Variants in TRPM3 observed in about 807,000 individuals in gnomAD.
TRPM3 encodes the protein long transient receptor potential channel 3.
TRPM3 carries 77 observed loss-of-function variants against 181.2 expected under a neutral mutation model. The observed-to-expected ratio is 0.42, with a 90% CI of 0.35 to 0.51. The LOEUF (loss-of-function observed/expected upper bound fraction) is 0.51. Ranked by LOEUF, TRPM3 falls within the 20% of genes least tolerant of loss-of-function variation. The pLI is 0.01. For synonymous variants in TRPM3, 745 were observed against 796.4 expected, an observed-to-expected ratio of 0.94 and a Z score of 1.09; for missense variants, 1,759 against 2,196.7, an observed-to-expected ratio of 0.80 and a Z score of 3.98.
Position 70,543,365 on chromosome 9 carries a change from A to G in TRPM3, c.3708-5960T>C, listed in dbSNP as rs1400333952. ...TACAAACAATCCATTTACATTCTTT[A>G]TTTAAAAATATACAATGAAGTTATT... On this transcript the variant is annotated intron_variant, in intron 25 of 25. Transcript: ENST00000677713. Among the ~76,000 whole-genome samples the G allele has an allele frequency of 4.6e-5, 7 of 152,280 alleles. No individual in the cohort carries two copies. The East Asian group carries it at 1.3e-3, about 29-fold the overall frequency.
rs1255934859 is a variant in TRPM3 at position 71,269,556 on chromosome 9, T to C, written c.183+177097A>G. Among the ~76,000 whole-genome samples the C allele has an allele frequency of 2.0e-5, 3 of 152,206 alleles. No individual in the cohort carries two copies. The East Asian group carries it at 5.8e-4, about 29-fold the overall frequency. ...AAGAGCAAGACTCATCACTGGCCAG[T>C]GAGCTGGGAGAGTGGGCTCTTCTTT... On this transcript the variant is annotated intron_variant, in intron 1 of 24. Coordinates refer to the TRPM3 transcript ENST00000357533.
chr9:71,070,655 T>C lies in TRPM3; in HGVS notation c.177+50523A>G, dbSNP rs530856093. 1.4e-4 allele frequency among the ~76,000 whole-genome samples: 22 copies of C among 152,338 alleles called. No individual in the cohort carries two copies. The South Asian group carries it at 1.4e-3, about 10-fold the overall frequency. On this transcript the variant is annotated intron_variant, in intron 1 of 25. Coordinates refer to ENST00000677713, the MANE Select transcript of TRPM3 (RefSeq NM_001366145.2). ...AAAACGTATTCACTTTTTTTAAAAA[T>C]GATGAGGTTTGGAGAGGATGACAGG...
intron 1 of TRPM3, among the ~76,000 whole-genome samples, chr9:71,436,290 T>C (rs1175052458): frequency 2.0e-5 from 2 of 99,094 alleles, no homozygotes; most frequent in African/African-American, 3.1e-5. Context: ...TCTCTTTTTT[T>C]TTTCTTTCTT....
chr9:70,770,231 A>C (rs1468235571), intron 7 of TRPM3, among the ~76,000 whole-genome samples: 1 of 152,146 alleles, frequency 6.6e-6, no homozygotes, highest in Admixed American at 6.6e-5. Flanking sequence ...CCCAACTCAA[A>C]AACATATATT....
At chr9:70,559,024 A>G (rs1010609404) in intron 22 of TRPM3, among the ~76,000 whole-genome samples, 18 of 152,196 alleles carry the variant, frequency 1.2e-4, no homozygotes, top group Non-Finnish European at 2.1e-4. Flanking sequence ...AGCCCTCCCT[A>G]TAGATGTTGT....
chr9:71,401,427 T>C (rs1347235872), intron 1 of TRPM3, among the ~76,000 whole-genome samples: 1 of 152,082 alleles, frequency 6.6e-6, no homozygotes, highest in Non-Finnish European at 1.5e-5. Flanking sequence ...ATGAAGAACA[T>C]GGTTTTGGCA....
chr9:71,418,919 T>C (rs1177940188), intron 1 of TRPM3, among the ~76,000 whole-genome samples: 1 of 42,026 alleles, frequency 2.4e-5, no homozygotes, highest in African/African-American at 4.3e-5. Context: ...TATATATATG[T>C]GTGTGTGTGT....
chr9:70,843,614 C>T (rs2094815874), intron 4 of TRPM3, among the ~76,000 whole-genome samples: 4 of 152,100 alleles, frequency 2.6e-5, no homozygotes. Flanking sequence ...TGAGAACCTA[C>T]TCGTAAAGAC....
chr9:70,624,405 C>T (rs2064152067), intron 14 of TRPM3, among the ~76,000 whole-genome samples: 1 of 152,174 alleles, frequency 6.6e-6, no homozygotes, highest in African/African-American at 2.4e-5. Context: ...AAGCGAGTCT[C>T]CTGCCTCAGC....
chr9:71,329,336 C>G (rs1202982030), intron 1 of TRPM3, among the ~76,000 whole-genome samples: 1 of 152,140 alleles, frequency 6.6e-6, no homozygotes, highest in African/African-American at 2.4e-5. Context: ...TAAAATGATT[C>G]CAAGCATATA....
intron 1 of TRPM3, among the ~76,000 whole-genome samples, chr9:70,948,818 C>T (rs1054867170): frequency 9.9e-5 from 15 of 152,148 alleles, no homozygotes; most frequent in Non-Finnish European, 1.6e-4. Flanking sequence ...TATGGATTTG[C>T]TTGAACTACT....
At position 70,929,327 on chromosome 9, in the gene TRPM3, G is replaced by A. The variant is rs375167311; in HGVS notation, c.178-64816C>T. 3.2e-3 allele frequency among the ~76,000 whole-genome samples: 480 copies of A among 151,858 alleles called. 5 individuals carry two copies. Among genetic ancestry groups the A allele is most frequent in the African/African-American group, 0.011 (444 of 41,434 alleles). On this transcript the variant is annotated intron_variant, in intron 1 of 25. Coordinates refer to ENST00000677713, the MANE Select transcript of TRPM3 (RefSeq NM_001366145.2). ...AGCAATTGTTCTGCCTCAGCCTCTC[G>A]AGTAGCTGGGATCACAGGTGCCCGC...
chr9:70,856,088 T>C (rs1218081093), intron 3 of TRPM3, among the ~76,000 whole-genome samples: 2 of 152,196 alleles, frequency 1.3e-5, no homozygotes, highest in African/African-American at 2.4e-5. Context: ...CCAGTAAGCA[T>C]ATAAACTAGT....
In TRPM3 at chr9:70,553,554, G is replaced by C. The variant is rs762782220; in HGVS notation, c.3224-244C>G. 5.9e-5 allele frequency among the ~76,000 whole-genome samples: 9 copies of C among 152,278 alleles called. No homozygotes were observed. In the East Asian group the frequency reaches 1.4e-3, roughly 23 times the overall value. On this transcript the variant is annotated intron_variant, in intron 22 of 25. Transcript: ENST00000677713. ...CCAAGTTATCACCTGACCAGAAGAG[G>C]GGGGTGGAGCCACCTTCTTGCTCAC... is the stretch of plus-strand genomic sequence containing the variant.
At chr9:70,693,778 A>C (rs1490887082) in intron 8 of TRPM3, among the ~76,000 whole-genome samples, 1 of 152,314 alleles carries the variant, frequency 6.6e-6, no homozygotes, top group East Asian at 1.9e-4. Flanking sequence ...AGGTCATACC[A>C]CTTGTTACTG....
intron 9 of TRPM3, among the ~76,000 whole-genome samples, chr9:70,653,800 G>A (rs938728447): frequency 6.6e-6 from 1 of 151,554 alleles, no homozygotes; most frequent in Admixed American, 6.6e-5. Flanking sequence ...GGCTTCTAAC[G>A]ACTTGAACTC....
chr9:71,063,292 A>G (rs555198388), intron 1 of TRPM3, among the ~76,000 whole-genome samples: 1 of 152,174 alleles, frequency 6.6e-6, no homozygotes, highest in South Asian at 2.1e-4. Flanking sequence ...ATGGTGATCA[A>G]TAGCTTAGCT....
Position 71,234,454 on chromosome 9 carries a change from T to C in TRPM3, c.183+212199A>G, listed in dbSNP as rs1047403500. ...GTATGCTAGTGCTGCCATAATAAAC[T>C]ACCACAGATTGGATGACTGTAACAA... On this transcript the variant is annotated intron_variant, in intron 1 of 24. Transcript: ENST00000357533. Among the ~76,000 whole-genome samples, 93 of 152,184 alleles carry C rather than the reference T, an allele frequency of 6.1e-4. 1 individual carries two copies. Among genetic ancestry groups the C allele is most frequent in the Admixed American group, 6.1e-3 (93 of 15,274 alleles).
At chr9:71,302,971 C>G (rs367873335) in intron 1 of TRPM3, among the ~76,000 whole-genome samples, 43 of 152,124 alleles carry the variant, frequency 2.8e-4, no homozygotes, top group African/African-American at 7.9e-4. Flanking sequence ...CAGATGTGTG[C>G]AGAGTTTCGG....
Sources: allele counts gnomAD v4.1 joint callset (sites outside exome capture counted in the v4.1 genomes callset), GRCh38; gene constraint gnomAD v4.1.1; transcripts MANE v1.5; gene names NCBI Gene and HGNC (gene_info 2026-07-23, HGNC 2026-07-21).